The following EPCAM variants were observed in gnomAD, a reference collection of about 807,000 sequenced individuals.
The protein encoded by EPCAM is adenocarcinoma-associated antigen.
In EPCAM, 39 loss-of-function variants were observed where a neutral mutation model predicts 40.0. The ratio of observed to expected loss-of-function variants is 0.98; its 90% CI spans 0.76 to 1.27. The LOEUF (loss-of-function observed/expected upper bound fraction) is 1.27, where lower values mean the gene tolerates loss of function less well. EPCAM is among the 50% of genes most tolerant of loss of function. The pLI is 0.00. For missense variants in EPCAM, 503 were observed against 381.2 expected (o/e 1.32, Z -2.66); for synonymous variants, 168 against 132.3 (o/e 1.27, Z -1.85).
chr2:47,379,668 C>A lies in EPCAM; in HGVS notation c.658-101C>A. 4.5e-6 allele frequency: 6 copies of A among 1,327,052 alleles called. No homozygotes were observed. The South Asian group carries it at 6.5e-5, about 14-fold the overall frequency. The allele number at this position is 1,327,052 out of a possible 1,614,324, so 82.2% of individuals were successfully genotyped here. A position where few individuals can be genotyped will look rare whatever the true frequency, so the allele number is the denominator to read the frequency against. On this transcript the variant is annotated intron_variant, in intron 6 of 8. Coordinates refer to ENST00000263735, the MANE Select transcript of EPCAM (RefSeq NM_002354.3). The stretch of plus-strand genomic sequence containing the variant: ...TGTTATCACTAAAACCATAAAGATT[C>A]TTGGCAGCGGTTCTTTTGGCATACA...
At chr2:47,375,346 A>T (rs1245831075) in intron 4 of EPCAM, 47 bp downstream of exon 4, 3 of 1,201,930 alleles carry the variant, frequency 2.5e-6, no homozygotes, top group Non-Finnish European at 3.7e-6. Flanking sequence ...TGGTGGCTCA[A>T]ATCTTCCATC....
intron 5 of EPCAM, 45 bp downstream of exon 5, chr2:47,377,122 C>G (rs1344707331): frequency 7.8e-7 from 1 of 1,283,190 alleles, no homozygotes; most frequent in South Asian, 1.2e-5. Context: ...GTTGGTGAGA[C>G]AGTATGTTTT....
intron 1 of EPCAM, among the ~76,000 whole-genome samples, chr2:47,372,415 G>A (rs10173799): frequency 0.54 from 82,100 of 151,366 alleles, 24,313 homozygotes; most frequent in East Asian, 0.82. Flanking sequence ...AGGTGGGTGG[G>A]TTACCTGAGG....
chr2:47,379,555 T>C (rs1239267844), intron 6 of EPCAM, among the ~76,000 whole-genome samples: 1 of 152,196 alleles, frequency 6.6e-6, no homozygotes, highest in Non-Finnish European at 1.5e-5. Flanking sequence ...GATAGGTACA[T>C]GGGCATCATT....
intron 1 of EPCAM, among the ~76,000 whole-genome samples, chr2:47,370,114 G>A (rs1032600938): frequency 1.3e-5 from 2 of 152,204 alleles, no homozygotes; most frequent in African/African-American, 4.8e-5. Flanking sequence ...GACCACACAG[G>A]GCGTGTGGGT....
intron 7 of EPCAM, 126 bp from the exon 8 acceptor site, chr2:47,385,040 T>G: frequency 2.6e-6 from 2 of 771,684 alleles, no homozygotes; most frequent in South Asian, 2.8e-5. Flanking sequence ...TAAATGTTTA[T>G]GGATAGATGT....
At chr2:47,373,286 T>C (rs1002308923) in intron 1 of EPCAM, among the ~76,000 whole-genome samples, 177 bp from the exon 2 acceptor site, 1 of 150,274 alleles carries the variant, frequency 6.7e-6, no homozygotes, top group African/African-American at 2.4e-5. Flanking sequence ...ATGCAAACTT[T>C]AGCAAGTGCC....
At chr2:47,385,842 A>T (rs1671732191) in intron 8 of EPCAM, among the ~76,000 whole-genome samples, 1 of 152,238 alleles carries the variant, frequency 6.6e-6, no homozygotes, top group Non-Finnish European at 1.5e-5. Context: ...AGAAAGTTCT[A>T]GCATTTTTTT....
chr2:47,369,650 G>GCCCCCGA (rs1216461107), intron 1 of EPCAM, 69 bp downstream of exon 1: 184 of 1,478,558 alleles, frequency 1.2e-4, no homozygotes, highest in Non-Finnish European at 1.5e-4. Flanking sequence ...CCGGCCCTCG[G>GCCCCCGA]CCCCCGAAAC....
intron 1 of EPCAM, among the ~76,000 whole-genome samples, chr2:47,371,877 C>G (rs1033605405): frequency 2.0e-5 from 3 of 152,118 alleles, no homozygotes; most frequent in Non-Finnish European, 2.9e-5. Context: ...ACTTAGGGTA[C>G]TTGGGATACG....
intron 5 of EPCAM, 47 bp downstream of exon 5, chr2:47,377,124 G>A (rs987245397): frequency 7.9e-7 from 1 of 1,267,644 alleles, no homozygotes; most frequent in Non-Finnish European, 1.2e-6. Context: ...TGGTGAGACA[G>A]TATGTTTTGA....
intron 5 of EPCAM, chr2:47,377,879 A>C: frequency 2.6e-6 from 1 of 383,522 alleles, no homozygotes; most frequent in South Asian, 1.9e-5. Context: ...GGAACTCTTT[A>C]AAGGTAGTAT....
intron 1 of EPCAM, 53 bp from the exon 2 acceptor site, chr2:47,373,410 A>T (rs182356991): frequency 2.7e-6 from 3 of 1,091,746 alleles, no homozygotes; most frequent in Admixed American, 1.9e-5. Flanking sequence ...TAGCTGGGAC[A>T]TGAGAGTTAA....
rs555116778 is a variant in EPCAM at position 47,386,479 on chromosome 2, C to T, written c.904-93C>T. 65 of 972,668 alleles carry T rather than the reference C, an allele frequency of 6.7e-5. No homozygotes were observed. In the East Asian group the frequency reaches 1.4e-3, roughly 22 times the overall value. The allele number at this position is 972,668 out of a possible 1,614,324, so 60.3% of individuals were successfully genotyped here. On this transcript the variant is annotated intron_variant, in intron 8 of 8. Transcript: ENST00000263735. ...TGTGGGAAAAAATTATCTTGTGTTC[C>T]TTTAATTTCATTTTTATTTAATACT...
At chr2:47,370,700 C>T (rs936220276) in intron 1 of EPCAM, among the ~76,000 whole-genome samples, 8 of 151,808 alleles carry the variant, frequency 5.3e-5, no homozygotes, top group African/African-American at 1.7e-4. Flanking sequence ...AGCCTTTATG[C>T]CTGGCTAATT....
chr2:47,369,771 C>G (rs1248140608), intron 1 of EPCAM, 190 bp downstream of exon 1: 2 of 713,612 alleles, frequency 2.8e-6, no homozygotes, highest in African/African-American at 3.5e-5. Context: ...CGAGGGCCGT[C>G]CCGGGGAGCA....
chr2:47,370,840 C>G (rs772315156), intron 1 of EPCAM, among the ~76,000 whole-genome samples: 10 of 151,960 alleles, frequency 6.6e-5, no homozygotes, highest in Non-Finnish European at 1.5e-4. Context: ...CTCAGCCTCC[C>G]GAGTAGCTGG....
At chr2:47,378,393 C>T (rs1224663140) in intron 5 of EPCAM, among the ~76,000 whole-genome samples, 2 of 151,380 alleles carry the variant, frequency 1.3e-5, no homozygotes, top group Non-Finnish European at 2.9e-5. Context: ...CTTTTGCCTC[C>T]CAGGTTCAAG....
At chr2:47,386,380 A>G (rs974039439) in intron 8 of EPCAM, among the ~76,000 whole-genome samples, 192 bp from the exon 9 acceptor site, 11 of 152,206 alleles carry the variant, frequency 7.2e-5, no homozygotes, top group African/African-American at 2.4e-4. Flanking sequence ...TCTAAATAGA[A>G]CCTTGAAAAC....
Sources: gnomAD v4.1 joint callset for allele counts (sites outside exome capture counted in the v4.1 genomes callset) on GRCh38, gnomAD v4.1.1 for gene constraint, MANE v1.5 for transcripts, NCBI Gene and HGNC (gene_info 2026-07-23, HGNC 2026-07-21) for gene names.